Variants in ATIC observed in about 807,000 individuals in gnomAD.
ATIC encodes 5-aminoimidazole-4-carboxamide ribonucleotide formyltransferase/IMP cyclohydrolase.
In ATIC, 64 loss-of-function variants were observed where a neutral mutation model predicts 72.5. The ratio of observed to expected loss-of-function variants is 0.88; its 90% confidence interval spans 0.72 to 1.09. The LOEUF (loss-of-function observed/expected upper bound fraction) is 1.09. Ranked by LOEUF, ATIC falls within the 50% of genes least tolerant of loss-of-function variation. The probability of loss-of-function intolerance (pLI) is 0.00; values close to 1 mark genes in which losing one functional copy is unlikely to be tolerated. For missense variants in ATIC, 787 were observed against 732.4 expected (o/e 1.07, Z -0.86); for synonymous variants, 281 against 267.1 (o/e 1.05, Z -0.51).
At chr2:215,350,720 G>A (rs1010774327), downstream of ATIC, among the ~76,000 whole-genome samples, 1 of 152,124 alleles carries the variant, frequency 6.6e-6, no homozygotes, top group Non-Finnish European at 1.5e-5. Flanking sequence ...TCACTACAGT[G>A]GGCACAGTGG....
rs1441375661 is a variant in ATIC, at chr2:215,336,031, G to T, written c.1009-4G>T. ...ATAGAAATTAAAATTTAATATTTTT[G>T]CAGGTATCTGATGGTATAATTGCCC... On this transcript the variant is annotated splice_polypyrimidine_tract_variant and splice_region_variant and intron_variant, in intron 10 of 15. Coordinates refer to ENST00000236959, the MANE Select transcript of ATIC (RefSeq NM_004044.7). 4 of 1,596,492 alleles carry T rather than the reference G, an allele frequency of 2.5e-6. No homozygotes were observed. In the Admixed American group the frequency reaches 6.7e-5, roughly 27 times the overall value.
chr2:215,363,412 G>A, the ATIC span: 2 of 151,986 alleles, frequency 1.3e-5, no homozygotes, highest in African/African-American at 4.8e-5. Flanking sequence ...GAGAGATACT[G>A]AATTCAATCT....
Position 215,318,158 on chromosome 2 carries a change from G to T in ATIC, c.148G>T (p.Asp50Tyr). 6.2e-7 allele frequency: 1 copy of T among 1,613,872 alleles called. No individual in the cohort carries two copies. Among genetic ancestry groups the T allele is most frequent in the Non-Finnish European group, 8.5e-7 (1 of 1,179,772 alleles). Residue 50 changes from aspartate to tyrosine, a missense_variant and splice_region_variant, in exon 3 of 16, where the codon GAT becomes TAT. Asp to Tyr is a radical substitution (Grantham distance 160, BLOSUM62 -3). Transcript: ENST00000236959. ...CCATTCTGTTTATCTGTTTTTCAGA[G>T]ATGTCTCTGAGTTGACGGGATTTCC... ...ALRDAGLAVRDVSELTGFPEM... is the reference protein window; with the variant it reads ...ALRDAGLAVRYVSELTGFPEM...
At chr2:215,329,473 TA>T (rs2052866309) in intron 7 of ATIC, among the ~76,000 whole-genome samples, 1 of 152,176 alleles carries the variant, frequency 6.6e-6, no homozygotes, top group African/African-American at 2.4e-5. Context: ...ATTTCCACAA[TA>T]GAAAAGGCAC....
At chr2:215,317,252 T>C (rs1391148529) in intron 2 of ATIC, among the ~76,000 whole-genome samples, 1 of 152,230 alleles carries the variant, frequency 6.6e-6, no homozygotes, top group Non-Finnish European at 1.5e-5. Flanking sequence ...TTTTTTCCCA[T>C]GTAAAACTTT....
At chr2:215,336,250 A>C in intron 11 of ATIC, 126 bp downstream of exon 11, 3 of 756,654 alleles carry the variant, frequency 4.0e-6, no homozygotes, top group Non-Finnish European at 6.7e-6. Context: ...ATTTTCCCCA[A>C]TCCTGCATTT....
intron 12 of ATIC, among the ~76,000 whole-genome samples, chr2:215,343,536 A>G (rs1172587683): frequency 1.3e-5 from 2 of 152,156 alleles, no homozygotes; most frequent in Non-Finnish European, 2.9e-5. Context: ...GGGGTTCACC[A>G]TGTTGGTCAG....
rs562451757 is a variant in ATIC at position 215,349,292 on chromosome 2, T to C, written c.1659+43T>C. ...TGCATTTGCTTAGAGTTGAGCATTA[T>C]GTAGAAACTGTTTCAGAAATCCTGC... On this transcript the variant is annotated intron_variant, in intron 15 of 15. Transcript: ENST00000236959. The C allele has an allele frequency of 9.3e-6, 15 of 1,612,590 alleles. No homozygotes were observed. In the East Asian group the frequency reaches 1.1e-4, roughly 12 times the overall value.
chr2:215,316,115 ATTAT>A (rs1217323704), intron 2 of ATIC, among the ~76,000 whole-genome samples: 1 of 152,180 alleles, frequency 6.6e-6, no homozygotes, highest in Non-Finnish European at 1.5e-5. Context: ...CATACATAGA[ATTAT>A]TTCCCGAGAC....
the ATIC span, among the ~76,000 whole-genome samples, chr2:215,359,727 GA>G: frequency 2.8e-5 from 4 of 141,838 alleles, no homozygotes; most frequent in African/African-American, 9.9e-5. Context: ...ATTCAAATGG[GA>G]GTTAGTATTT....
chr2:215,360,446 T>G, the ATIC span: 2 of 152,248 alleles, frequency 1.3e-5, no homozygotes, highest in Non-Finnish European at 2.9e-5. Flanking sequence ...ATTATACTAT[T>G]CAAATACTTT....
At chr2:215,364,704 A>G in the ATIC span, 12 of 640,146 alleles carry the variant, frequency 1.9e-5, no homozygotes, top group Non-Finnish European at 2.3e-5. Flanking sequence ...ATGGCATGTA[A>G]GGTAGACATA....
intron 2 of ATIC, among the ~76,000 whole-genome samples, chr2:215,317,785 G>A (rs953859145): frequency 7.2e-5 from 11 of 152,010 alleles, no homozygotes; most frequent in South Asian, 2.1e-4. Context: ...CACCGTGCCC[G>A]GCCAAGGATA....
At chr2:215,361,140 G>C in the ATIC span, 1 of 194,122 alleles carries the variant, frequency 5.2e-6, no homozygotes, top group African/African-American at 2.3e-5. Flanking sequence ...GATCATGCTT[G>C]TTCCTACAGT....
chr2:215,319,394 C>G (rs987067616), intron 3 of ATIC, among the ~76,000 whole-genome samples: 1 of 151,896 alleles, frequency 6.6e-6, no homozygotes, highest in African/African-American at 2.4e-5. Context: ...ATTGAAAAGA[C>G]CAGCTGGGTG....
downstream of ATIC, among the ~76,000 whole-genome samples, chr2:215,352,069 C>G (rs1026348880): frequency 2.0e-5 from 3 of 152,000 alleles, no homozygotes; most frequent in African/African-American, 7.2e-5. Context: ...CTAGAAGGGC[C>G]TAAGGAGATG....
At chr2:215,324,203 C>T (rs1267211075) in intron 4 of ATIC, among the ~76,000 whole-genome samples, 4 of 152,214 alleles carry the variant, frequency 2.6e-5, no homozygotes, top group Non-Finnish European at 1.5e-5. Context: ...GGCCTCTTGT[C>T]TTGTTTCTGA....
intron 3 of ATIC, 128 bp downstream of exon 3, chr2:215,318,361 G>A (rs2052732299): frequency 6.8e-6 from 6 of 885,578 alleles, no homozygotes; most frequent in Admixed American, 1.9e-5. Flanking sequence ...ATGTTATGAA[G>A]TTGCTGCCAG....
chr2:215,312,241 A>T (rs1331042065), intron 1 of ATIC, 80 bp downstream of exon 1: 3 of 1,453,690 alleles, frequency 2.1e-6, no homozygotes, highest in East Asian at 2.7e-5. Flanking sequence ...GGCCGGCGGG[A>T]CCCGGCACTG....
Sources: allele counts gnomAD v4.1 joint callset (sites outside exome capture counted in the v4.1 genomes callset), GRCh38; gene constraint gnomAD v4.1.1; transcripts MANE v1.5; gene names NCBI Gene and HGNC (gene_info 2026-07-23, HGNC 2026-07-21).